The following OLFML3 variants were observed in gnomAD, a reference collection of about 807,000 sequenced individuals.
OLFML3 encodes olfactomedin-like protein 3.
In OLFML3, 26 loss-of-function variants were observed where a neutral mutation model predicts 36.0. That is an observed-to-expected ratio of 0.72 (90% confidence interval 0.53 to 1.00). The LOEUF is 1.00. Ranked by LOEUF, OLFML3 falls within the 50% of genes least tolerant of loss-of-function variation. OLFML3 has a pLI of 0.00. For missense variants in OLFML3, 503 were observed against 519.4 expected (o/e 0.97, Z 0.31); for synonymous variants, 184 against 201.2 (o/e 0.91, Z 0.72).
chr1:113,981,501 G>C lies in OLFML3; in HGVS notation c.953G>C (p.Arg318Thr). 6.2e-7 allele frequency: 1 copy of C among 1,614,152 alleles called. No homozygotes were observed. The highest frequency in any genetic ancestry group is 8.5e-7 in the Non-Finnish European group (1 of 1,180,012). Residue 318 changes from arginine (R) to threonine (T), a missense_variant, in exon 3 of 3, where the codon AGA becomes ACA. By Grantham distance (71) the Arg-to-Thr change is moderately conservative. Transcript: ENST00000320334. ...CAGCAGTGGGACACACCATGTCCCA[G>C]AGAGAATGCTGAGGCTGCCTTTGTC... ...TEQQWDTPCP[R>T]ENAEAAFVIC...
At position 113,979,499 on chromosome 1, in the gene OLFML3, A is replaced by T; in HGVS notation, c.-18A>T. The T allele has an allele frequency of 1.9e-6, 3 of 1,569,430 alleles. No individual in the cohort carries two copies. The highest frequency in any genetic ancestry group is 2.6e-6 in the Non-Finnish European group (3 of 1,139,456). On this transcript the variant is annotated 5_prime_UTR_variant, in exon 1 of 3. Transcript: ENST00000320334. ...GACTGTACGTTCCTTCTACTCTGGCACCACTCTCCAGGCTGCCATGGGGCC... is the reference window on the plus strand; with the variant it reads ...GACTGTACGTTCCTTCTACTCTGGCTCCACTCTCCAGGCTGCCATGGGGCC...
rs144740096 is a variant in OLFML3, at chr1:113,981,653, T to C, written c.1105T>C (p.Tyr369His). 810 of 1,614,032 alleles carry C rather than the reference T, an allele frequency of 5.0e-4. 1 individual carries two copies. The African/African-American group carries it at 9.2e-3, about 18-fold the overall frequency. ...AGCACTCCCTTATTTTCCCCGCAGA[T>C]ATGGTGCCCATGCCAGCCTCCGCTA... is the stretch of plus-strand genomic sequence containing the variant. ...RAALPYFPRR[Y>H]GAHASLRYNP... Residue 369 changes from tyrosine (Y) to histidine (H), a missense_variant, in exon 3 of 3, where the codon TAT becomes CAT. Tyr to His is a moderately conservative substitution (Grantham distance 83). Coordinates refer to ENST00000320334, the MANE Select transcript of OLFML3 (RefSeq NM_020190.5).
In OLFML3 at chr1:113,980,995, G is replaced by A; in HGVS notation, c.447G>A (p.Lys149=). The change falls in exon 3 of 3, where the codon AAG becomes AAA. Residue 149 remains lysine (K), a synonymous_variant. Transcript: ENST00000320334. ...ISQVRSMKIL[K]RFGGPAGLWT... is the part of the protein sequence containing the mutation. Reference sequence around the variant, plus strand: ...AAGTGAGATCAATGAAGATTCTGAAGCGATTTGGTGGCCCAGCTGGTCTAT... The same window carrying A: ...AAGTGAGATCAATGAAGATTCTGAAACGATTTGGTGGCCCAGCTGGTCTAT... 4 of 1,542,568 alleles carry A rather than the reference G, an allele frequency of 2.6e-6. No homozygotes were observed. Among genetic ancestry groups the A allele is most frequent in the Non-Finnish European group, 3.5e-6 (4 of 1,145,158 alleles).
chr1:113,981,707 T>A lies in OLFML3; in HGVS notation c.1159T>A (p.Trp387Arg). ...YNPRERQLYA[W>R]DDGYQIVYKL... ...CCCCCGAGAACGCCAGCTCTATGCC[T>A]GGGATGATGGCTACCAGATTGTCTA... is the stretch of plus-strand genomic sequence containing the variant. Residue 387 changes from tryptophan (W) to arginine (R), a missense_variant, in exon 3 of 3, where the codon TGG (tryptophan) becomes AGG (arginine). By Grantham distance (101) the Trp-to-Arg change is moderately radical. Transcript: ENST00000320334. 6.2e-7 allele frequency: 1 copy of A among 1,613,604 alleles called. No homozygotes were observed. Among genetic ancestry groups the A allele is most frequent in the Non-Finnish European group, 8.5e-7 (1 of 1,179,922 alleles).
Position 113,981,721 on chromosome 1 carries a change from C to T in OLFML3, c.1173C>T (p.Tyr391=), listed in dbSNP as rs1471795073. ...ERQLYAWDDG[Y]QIVYKLEMRK... is the part of the protein sequence containing the mutation. Reference sequence around the variant, plus strand: ...AGCTCTATGCCTGGGATGATGGCTACCAGATTGTCTATAAGCTGGAGATGA... The same window carrying T: ...AGCTCTATGCCTGGGATGATGGCTATCAGATTGTCTATAAGCTGGAGATGA... Residue 391 remains tyrosine, a synonymous_variant, in exon 3 of 3, where the codon TAC becomes TAT. Coordinates refer to ENST00000320334, the MANE Select transcript of OLFML3 (RefSeq NM_020190.5). 1.2e-6 allele frequency: 2 copies of T among 1,613,794 alleles called. No homozygotes were observed. The highest frequency in any genetic ancestry group is 1.7e-6 in the Non-Finnish European group (2 of 1,179,960).
chr1:113,979,531 C>G lies in OLFML3; in HGVS notation c.15C>G (p.Thr5=). The G allele has an allele frequency of 6.2e-7, 1 of 1,613,878 alleles. No homozygotes were observed. The highest frequency in any genetic ancestry group is 8.5e-7 in the Non-Finnish European group (1 of 1,179,768). The change falls in exon 1 of 3, where the codon ACC becomes ACG. Residue 5 remains threonine (T), a synonymous_variant. Coordinates refer to ENST00000320334, the MANE Select transcript of OLFML3 (RefSeq NM_020190.5). The stretch of plus-strand genomic sequence containing the variant: ...TCCAGGCTGCCATGGGGCCCAGCAC[C>G]CCTCTCCTCATCTTGTTCCTTTTGT... The part of the protein sequence containing the change: MGPS[T]PLLILFLLSW...
chr1:113,981,035 C>G lies in OLFML3; in HGVS notation c.487C>G (p.Leu163Val), dbSNP rs1280902135. Reference sequence around the variant, plus strand: ...AGCTGGTCTATGGACCAAGGATCCACTGGGGCAAACAGAGAAGATCTACGT... The same window carrying G: ...AGCTGGTCTATGGACCAAGGATCCAGTGGGGCAAACAGAGAAGATCTACGT... ...GPAGLWTKDP[L>V]GQTEKIYVLD... Residue 163 changes from leucine to valine, a missense_variant, in exon 3 of 3, where the codon CTG becomes GTG. Transcript: ENST00000320334. 6.3e-7 allele frequency: 1 copy of G among 1,594,426 alleles called. No homozygotes were observed. Among genetic ancestry groups the G allele is most frequent in the East Asian group, 2.2e-5 (1 of 44,608 alleles).
intron 2 of OLFML3, 104 bp downstream of exon 2, chr1:113,980,721 G>C: frequency 7.6e-7 from 1 of 1,308,848 alleles, no homozygotes; most frequent in Admixed American, 3.0e-5. Flanking sequence ...TTGTGGCTCT[G>C]TCTTCTGGAA....
chr1:113,981,682 C>T lies in OLFML3; in HGVS notation c.1134C>T (p.Asn378=), dbSNP rs1263408931. The stretch of plus-strand genomic sequence containing the variant: ...GTGCCCATGCCAGCCTCCGCTATAA[C>T]CCCCGAGAACGCCAGCTCTATGCCT... ...RYGAHASLRY[N]PRERQLYAWD... is the part of the protein sequence containing the mutation. Residue 378 remains asparagine (N), a synonymous_variant, in exon 3 of 3, where the codon AAC becomes AAT. Transcript: ENST00000320334. The T allele has an allele frequency of 1.2e-6, 2 of 1,614,046 alleles. No individual in the cohort carries two copies. The highest frequency in any genetic ancestry group is 2.2e-5 in the East Asian group (1 of 44,876).
At position 113,981,675 on chromosome 1, in the gene OLFML3, GC is replaced by G; in HGVS notation, c.1128del (p.Tyr377IlefsTer23). On this transcript the variant is annotated frameshift_variant, in exon 3 of 3. Coordinates refer to ENST00000320334, the MANE Select transcript of OLFML3 (RefSeq NM_020190.5). LOFTEE classifies it high-confidence loss of function. ...AGATATGGTGCCCATGCCAGCCTCCGCTATAACCCCCGAGAACGCCAGCTCT... is the reference window on the plus strand; with the variant it reads ...AGATATGGTGCCCATGCCAGCCTCCGTATAACCCCCGAGAACGCCAGCTCT... ...PRRYGAHASLRYNPRERQLYA... is the reference protein window; with the variant it reads ...PRRYGAHASLXYNPRERQLYA... 6.2e-7 allele frequency: 1 copy of G among 1,613,800 alleles called. No homozygotes were observed. Among genetic ancestry groups the G allele is most frequent in the Non-Finnish European group, 8.5e-7 (1 of 1,179,966 alleles).
chr1:113,980,265 A>C, intron 1 of OLFML3, 67 bp from the exon 2 acceptor site: 3 of 1,525,112 alleles, frequency 2.0e-6, no homozygotes, highest in Non-Finnish European at 2.6e-6. Context: ...CTGACTCCCG[A>C]GTTGGGCCTC....
Position 113,979,636 on chromosome 1 carries a change from G to A in OLFML3, c.114+6G>A. ...GCCGACTAGCTGCTTTAGAGGTGAG[G>A]GACCCCTTTCTCTTCTAGCCCCGCC... On this transcript the variant is annotated splice_donor_region_variant and intron_variant, in intron 1 of 2. Transcript: ENST00000320334. 1 of 1,596,470 alleles carries A rather than the reference G, an allele frequency of 6.3e-7. No homozygotes were observed. Among genetic ancestry groups the A allele is most frequent in the Non-Finnish European group, 8.6e-7 (1 of 1,163,980 alleles).
In OLFML3 at chr1:113,981,038, G is replaced by A. The variant is rs1678953611; in HGVS notation, c.490G>A (p.Gly164Arg). 6.3e-7 allele frequency: 1 copy of A among 1,596,968 alleles called. No homozygotes were observed. ...PAGLWTKDPL[G>R]QTEKIYVLDG... ...TGGTCTATGGACCAAGGATCCACTG[G>A]GGCAAACAGAGAAGATCTACGTGTT... Residue 164 changes from glycine (G) to arginine (R), a missense_variant, in exon 3 of 3, where the codon GGG becomes AGG. Transcript: ENST00000320334.
intron 2 of OLFML3, 87 bp downstream of exon 2, chr1:113,980,704 C>T (rs1673381124): frequency 2.9e-6 from 4 of 1,385,220 alleles, no homozygotes; most frequent in Non-Finnish European, 3.9e-6. Flanking sequence ...CGCTTTGTCC[C>T]AGTCCATTGT....
Position 113,981,792 on chromosome 1 carries a change from T to C in OLFML3, c.*23T>C. ...TGAGGAGCTAGCCTTGTTTTTTGCATCTTTCTCACTCCCATACATTTATAT... is the reference window on the plus strand; with the variant it reads ...TGAGGAGCTAGCCTTGTTTTTTGCACCTTTCTCACTCCCATACATTTATAT... On this transcript the variant is annotated 3_prime_UTR_variant, in exon 3 of 3. Coordinates refer to ENST00000320334, the MANE Select transcript of OLFML3 (RefSeq NM_020190.5). 9 of 1,575,854 alleles carry C rather than the reference T, an allele frequency of 5.7e-6. No individual in the cohort carries two copies. Among genetic ancestry groups the C allele is most frequent in the Non-Finnish European group, 7.8e-6 (9 of 1,152,506 alleles).
In OLFML3 at chr1:113,979,512, C is replaced by T. The variant is rs1673321323; in HGVS notation, c.-5C>T. On this transcript the variant is annotated 5_prime_UTR_variant, in exon 1 of 3. Transcript: ENST00000320334. ...TTCTACTCTGGCACCACTCTCCAGG[C>T]TGCCATGGGGCCCAGCACCCCTCTC... 2.5e-6 allele frequency: 4 copies of T among 1,600,354 alleles called. No homozygotes were observed. In the African/African-American group the frequency reaches 5.4e-5, roughly 21 times the overall value.
chr1:113,980,182 A>C (rs1191685574), intron 1 of OLFML3, 150 bp from the exon 2 acceptor site: 2 of 1,513,542 alleles, frequency 1.3e-6, no homozygotes, highest in Non-Finnish European at 1.8e-6. Flanking sequence ...ACCTCTGCAC[A>C]TCTGGTTTCC....
At position 113,979,541 on chromosome 1, in the gene OLFML3, A is replaced by G. The variant is rs1673323249; in HGVS notation, c.25A>G (p.Ile9Val). Reference sequence around the variant, plus strand: ...CATGGGGCCCAGCACCCCTCTCCTCATCTTGTTCCTTTTGTCATGGTCGGG... The same window carrying G: ...CATGGGGCCCAGCACCCCTCTCCTCGTCTTGTTCCTTTTGTCATGGTCGGG... MGPSTPLL[I>V]LFLLSWSGPL... The change falls in exon 1 of 3, where the codon ATC becomes GTC. Residue 9 changes from isoleucine (I) to valine (V), a missense_variant. Transcript: ENST00000320334. 6.2e-7 allele frequency: 1 copy of G among 1,613,952 alleles called. No homozygotes were observed.
rs754809366 is a variant in OLFML3, at chr1:113,980,939, T to C, written c.401-10T>C. The stretch of plus-strand genomic sequence containing the variant: ...GCCTCTATTTCCTTTTCCTGTGCTT[T>C]TCTCATCAGACTGTGGCTACACAAT... On this transcript the variant is annotated splice_polypyrimidine_tract_variant and intron_variant, in intron 2 of 2. Transcript: ENST00000320334. 12 of 1,513,786 alleles carry C rather than the reference T, an allele frequency of 7.9e-6. No individual in the cohort carries two copies. The highest frequency in any genetic ancestry group is 1.8e-4 in the Middle Eastern group (1 of 5,580). The allele number at this position is 1,513,786 out of a possible 1,614,324, so 93.8% of individuals were successfully genotyped here.
Sources: allele counts gnomAD v4.1 joint callset, GRCh38; gene constraint gnomAD v4.1.1; transcripts MANE v1.5; gene names NCBI Gene and HGNC (gene_info 2026-07-23, HGNC 2026-07-21).